Variants in ARSB observed in about 807,000 individuals in gnomAD.
ARSB encodes N-acetylgalactosamine-4-sulfatase.
A neutral mutation model predicts 50.9 loss-of-function variants in ARSB; 41 were observed. The ratio of observed to expected loss-of-function variants is 0.81; its 90% confidence interval spans 0.63 to 1.04. ARSB has a LOEUF of 1.04. ARSB is among the 50% of genes least tolerant of loss of function. The pLI is 0.00. For missense variants in ARSB, 672 were observed against 693.3 expected, an observed-to-expected ratio of 0.97 and a Z score of 0.35; for synonymous variants, 269 against 284.8, an observed-to-expected ratio of 0.94 and a Z score of 0.56.
chr5:78,833,211 T>C (rs775191246), intron 6 of ARSB, among the ~76,000 whole-genome samples: 4 of 152,146 alleles, frequency 2.6e-5, no homozygotes, highest in Non-Finnish European at 5.9e-5. Context: ...TTGCCTACCC[T>C]GGGATTATGG....
rs1373201999 is a variant in ARSB at position 78,885,570 on chromosome 5, C to T, written c.1142+14G>A. The T allele has an allele frequency of 7.4e-6, 12 of 1,612,038 alleles. No homozygotes were observed. Among genetic ancestry groups the T allele is most frequent in the Admixed American group, 1.7e-5 (1 of 59,980 alleles). On this transcript the variant is annotated intron_variant, in intron 5 of 7. Coordinates refer to ENST00000264914, the MANE Select transcript of ARSB (RefSeq NM_000046.5). The stretch of plus-strand genomic sequence containing the variant: ...GTTTCTGTCCTGGGAGGAAAAAGGG[C>T]AGGGTGTAGGTACCTGATGGTTTTC...
At chr5:78,856,491 G>A (rs1044051248) in intron 5 of ARSB, among the ~76,000 whole-genome samples, 2 of 152,248 alleles carry the variant, frequency 1.3e-5, no homozygotes, top group Middle Eastern at 3.4e-3. Flanking sequence ...TGAACACAAA[G>A]CTTTATCACA....
At chr5:78,930,200 G>A (rs1268567363) in intron 4 of ARSB, among the ~76,000 whole-genome samples, 3 of 152,164 alleles carry the variant, frequency 2.0e-5, no homozygotes, top group African/African-American at 7.2e-5. Flanking sequence ...AGCACTGTCA[G>A]CGCAAACACA....
At chr5:78,982,853 T>C (rs183823257) in intron 1 of ARSB, among the ~76,000 whole-genome samples, 281 of 152,252 alleles carry the variant, frequency 1.8e-3, no homozygotes, top group Non-Finnish European at 3.1e-3. Context: ...AAAAAAAATG[T>C]TTGGGGAAGC....
At chr5:78,838,793 A>G (rs1409997409) in intron 6 of ARSB, among the ~76,000 whole-genome samples, 1 of 152,214 alleles carries the variant, frequency 6.6e-6, no homozygotes, top group Admixed American at 6.5e-5. Context: ...CCTGCCCTGA[A>G]GGAAATGGTA....
chr5:78,865,266 A>G (rs111728258), intron 5 of ARSB, among the ~76,000 whole-genome samples: 20,811 of 152,196 alleles, frequency 0.14, 1,497 homozygotes, highest in Middle Eastern at 0.19. Flanking sequence ...CCAAACCCCA[A>G]TTCTCAACTT....
At chr5:78,927,231 G>A (rs143259549) in intron 4 of ARSB, among the ~76,000 whole-genome samples, 1 of 152,214 alleles carries the variant, frequency 6.6e-6, no homozygotes, top group African/African-American at 2.4e-5. Context: ...ATTTCAATAT[G>A]TAATTCATAT....
At chr5:78,813,698 AG>A (rs1249780115) in intron 6 of ARSB, among the ~76,000 whole-genome samples, 24 of 152,222 alleles carry the variant, frequency 1.6e-4, no homozygotes, top group African/African-American at 5.3e-4. Context: ...TCAAGGCTGC[AG>A]TGAGCCGAGA....
Position 78,863,688 on chromosome 5 carries a change from A to G in ARSB, c.1142+21896T>C, listed in dbSNP as rs542988129. Among the ~76,000 whole-genome samples the G allele has an allele frequency of 4.6e-5, 7 of 152,246 alleles. No homozygotes were observed. In the South Asian group the frequency reaches 1.0e-3, roughly 23 times the overall value. Reference sequence around the variant, plus strand: ...GTGTTAATGGGTGCAGGACACCAACATGGCACATGTATACATATGTAACAA... The same window carrying G: ...GTGTTAATGGGTGCAGGACACCAACGTGGCACATGTATACATATGTAACAA... On this transcript the variant is annotated intron_variant, in intron 5 of 7. Coordinates refer to ENST00000264914, the MANE Select transcript of ARSB (RefSeq NM_000046.5).
intron 4 of ARSB, among the ~76,000 whole-genome samples, chr5:78,944,621 A>G (rs1751124310): frequency 6.6e-6 from 1 of 152,196 alleles, no homozygotes; most frequent in Non-Finnish European, 1.5e-5. Flanking sequence ...ATGTTGCTGC[A>G]TGATCATTCC....
chr5:78,782,109 G>T, intron 6 of ARSB, 135 bp from the exon 7 acceptor site: 1 of 1,118,062 alleles, frequency 8.9e-7, no homozygotes, highest in Non-Finnish European at 1.3e-6. Context: ...CCACAGAAAT[G>T]AATCTTTTAT....
At chr5:78,828,539 A>C (rs1170614037) in intron 6 of ARSB, among the ~76,000 whole-genome samples, 1 of 152,198 alleles carries the variant, frequency 6.6e-6, no homozygotes, top group Non-Finnish European at 1.5e-5. Flanking sequence ...CTTCACTCTC[A>C]TAGCAACTAT....
intron 4 of ARSB, among the ~76,000 whole-genome samples, chr5:78,953,004 A>G (rs1410491002): frequency 6.6e-6 from 1 of 152,224 alleles, no homozygotes; most frequent in Non-Finnish European, 1.5e-5. Context: ...AGGATATTCA[A>G]AATAAATTAA....
rs1052272404 is a variant in ARSB at position 78,947,827 on chromosome 5, G to C, written c.898+7468C>G. ...ATATCAGTATATCAAACATACACTT[G>C]CACTGCCATGTTTATTGCAGCACTA... is the stretch of plus-strand genomic sequence containing the variant. On this transcript the variant is annotated intron_variant, in intron 4 of 7. Coordinates refer to ENST00000264914, the MANE Select transcript of ARSB (RefSeq NM_000046.5). 4.9e-4 allele frequency among the ~76,000 whole-genome samples: 74 copies of C among 152,166 alleles called. 1 individual carries two copies. The highest frequency in any genetic ancestry group is 1.5e-4 in the Non-Finnish European group (10 of 68,020).
intron 4 of ARSB, among the ~76,000 whole-genome samples, chr5:78,951,636 C>G (rs1408910942): frequency 6.6e-6 from 1 of 152,092 alleles, no homozygotes; most frequent in Non-Finnish European, 1.5e-5. Flanking sequence ...GGAAAGCCTC[C>G]TGGAGTGAAT....
At chr5:78,984,632 A>G (rs1400079525) in intron 1 of ARSB, among the ~76,000 whole-genome samples, 3 of 151,730 alleles carry the variant, frequency 2.0e-5, no homozygotes, top group African/African-American at 7.3e-5. Context: ...CGCGGCGCCC[A>G]GCACCCGGCA....
intron 4 of ARSB, among the ~76,000 whole-genome samples, chr5:78,948,558 T>C (rs772684337): frequency 6.6e-6 from 1 of 152,166 alleles, no homozygotes; most frequent in Non-Finnish European, 1.5e-5. Flanking sequence ...CATGAATCAA[T>C]TAAGGTTGTG....
At chr5:78,985,326 C>T, upstream of ARSB, 11 of 1,196,758 alleles carry the variant, frequency 9.2e-6, no homozygotes, top group Non-Finnish European at 1.1e-5. Context: ...ACTGGGCTGC[C>T]GGGGCCTGCT....
chr5:78,941,702 T>G (rs1272408661), intron 4 of ARSB, among the ~76,000 whole-genome samples: 1 of 151,982 alleles, frequency 6.6e-6, no homozygotes, highest in African/African-American at 2.4e-5. Flanking sequence ...TATTGAGGAT[T>G]TTTGCATCAA....
Sources: allele counts gnomAD v4.1 joint callset (sites outside exome capture counted in the v4.1 genomes callset), GRCh38; gene constraint gnomAD v4.1.1; transcripts MANE v1.5; gene names NCBI Gene and HGNC (gene_info 2026-07-23, HGNC 2026-07-21).